Variants in CHKA observed in about 807,000 individuals in gnomAD.
CHKA encodes choline kinase alpha.
CHKA carries 34 observed loss-of-function variants against 60.1 expected under a neutral mutation model. That is an observed-to-expected ratio of 0.57 (90% CI 0.43 to 0.75). The LOEUF is 0.75. CHKA is among the 30% of genes least tolerant of loss of function. CHKA has a pLI of 0.00. For synonymous variants in CHKA, 217 were observed against 223.1 expected, an observed-to-expected ratio of 0.97 and a Z score of 0.24; for missense variants, 563 against 561.3, an observed-to-expected ratio of 1.00 and a Z score of -0.03.
chr11:68,094,868 CAG>C (rs1052600995), intron 2 of CHKA, among the ~76,000 whole-genome samples: 6 of 152,178 alleles, frequency 3.9e-5, no homozygotes, highest in African/African-American at 1.2e-4. Flanking sequence ...CACAGCTTGA[CAG>C]AGTCAAGGAA....
At chr11:68,112,423 A>G (rs936192164) in intron 1 of CHKA, among the ~76,000 whole-genome samples, 1 of 151,996 alleles carries the variant, frequency 6.6e-6, no homozygotes, top group Non-Finnish European at 1.5e-5. Context: ...ACACCAGACT[A>G]ATTTTTTTGT....
intron 11 of CHKA, among the ~76,000 whole-genome samples, chr11:68,056,407 C>T (rs867129730): frequency 6.6e-5 from 10 of 152,192 alleles, no homozygotes; most frequent in Non-Finnish European, 1.5e-4. Flanking sequence ...CTGCACCATA[C>T]CCTGGGATAA....
intron 3 of CHKA, among the ~76,000 whole-genome samples, chr11:68,075,487 G>A (rs766919829): frequency 1.3e-5 from 2 of 152,048 alleles, no homozygotes; most frequent in Admixed American, 6.6e-5. Context: ...ATTAACGTGG[G>A]ATCTATCATC....
At chr11:68,094,804 C>A (rs970652864) in intron 2 of CHKA, among the ~76,000 whole-genome samples, 1 of 152,188 alleles carries the variant, frequency 6.6e-6, no homozygotes, top group East Asian at 1.9e-4. Context: ...GGAATAGCTA[C>A]GTACCTTCAA....
At chr11:68,072,839 T>A (rs1422189228) in intron 4 of CHKA, among the ~76,000 whole-genome samples, 1 of 151,674 alleles carries the variant, frequency 6.6e-6, no homozygotes, top group Admixed American at 6.6e-5. Context: ...CAAAAAAAAA[T>A]TTTTAATAAG....
chr11:68,092,516 C>A (rs1264494898), intron 2 of CHKA, among the ~76,000 whole-genome samples: 1 of 152,202 alleles, frequency 6.6e-6, no homozygotes, highest in Admixed American at 6.5e-5. Flanking sequence ...CAGTGTGTGG[C>A]AGCTCAGCTT....
At chr11:68,100,135 T>C (rs1857654465) in intron 1 of CHKA, among the ~76,000 whole-genome samples, 1 of 152,124 alleles carries the variant, frequency 6.6e-6, no homozygotes, top group South Asian at 2.1e-4. Context: ...TAGGAAGAAA[T>C]GCCAGAAATG....
chr11:68,081,021 C>T (rs1002094345), intron 3 of CHKA, among the ~76,000 whole-genome samples: 1 of 152,232 alleles, frequency 6.6e-6, no homozygotes, highest in Admixed American at 6.5e-5. Context: ...TGGGCAGTGA[C>T]CCGCTTCCTG....
chr11:68,117,406 G>A (rs1033174691), intron 1 of CHKA, among the ~76,000 whole-genome samples: 8 of 152,150 alleles, frequency 5.3e-5, no homozygotes, highest in African/African-American at 9.7e-5. Flanking sequence ...AAGTTAGGCC[G>A]GGCAGGGTGC....
chr11:68,076,257 T>A (rs1037596668), intron 3 of CHKA, among the ~76,000 whole-genome samples: 1 of 152,214 alleles, frequency 6.6e-6, no homozygotes, highest in Non-Finnish European at 1.5e-5. Flanking sequence ...ATAACATCTA[T>A]CTATCAAGCT....
intron 1 of CHKA, among the ~76,000 whole-genome samples, chr11:68,119,753 C>G (rs1858537273): frequency 6.6e-6 from 1 of 151,932 alleles, no homozygotes; most frequent in Non-Finnish European, 1.5e-5. Flanking sequence ...CAGGCGTGAG[C>G]CACTGCGCCC....
chr11:68,059,104 A>C (rs1306679178), intron 11 of CHKA, among the ~76,000 whole-genome samples: 1 of 152,204 alleles, frequency 6.6e-6, no homozygotes, highest in Admixed American at 6.5e-5. Context: ...CGTGTTAGTC[A>C]GGCTGGTCTC....
chr11:68,101,248 A>G (rs1314920993), intron 1 of CHKA, among the ~76,000 whole-genome samples: 2 of 152,116 alleles, frequency 1.3e-5, no homozygotes, highest in Non-Finnish European at 2.9e-5. Context: ...ACGCTGGTCC[A>G]AAGAGGTTAT....
chr11:68,091,570 T>C lies in CHKA; in HGVS notation c.462+5449A>G, dbSNP rs74402992. Reference sequence around the variant, plus strand: ...AAGTTTGTTTCCGTCTCATCTTAGATAGAAATAGGGGCTAGAAGAGACAGA... The same window carrying C: ...AAGTTTGTTTCCGTCTCATCTTAGACAGAAATAGGGGCTAGAAGAGACAGA... On this transcript the variant is annotated intron_variant, in intron 2 of 11. Transcript: ENST00000265689. Among the ~76,000 whole-genome samples, 624 of 152,310 alleles carry C rather than the reference T, an allele frequency of 4.1e-3. 1 individual carries two copies. Among genetic ancestry groups the C allele is most frequent in the Middle Eastern group, 0.02 (6 of 294 alleles).
chr11:68,061,894 T>C (rs1590833597), intron 11 of CHKA, 59 bp downstream of exon 11: 31 of 1,166,974 alleles, frequency 2.7e-5, no homozygotes, highest in East Asian at 7.6e-5. Context: ...ACAAATACTA[T>C]AGCATTTTTA....
At chr11:68,120,575 A>G (rs1259820809) in intron 1 of CHKA, among the ~76,000 whole-genome samples, 1 of 152,208 alleles carries the variant, frequency 6.6e-6, no homozygotes. Flanking sequence ...CCGTTTTCTC[A>G]TGAAACCGAC....
chr11:68,096,994 C>A (rs1019148520), intron 2 of CHKA, 25 bp downstream of exon 2: 4 of 1,545,330 alleles, frequency 2.6e-6, no homozygotes, highest in South Asian at 1.1e-5. Context: ...GGATCCCCCC[C>A]TCCCAAAGTA....
chr11:68,097,595 C>T (rs1361278219), intron 1 of CHKA, among the ~76,000 whole-genome samples: 2 of 147,268 alleles, frequency 1.4e-5, no homozygotes, highest in Admixed American at 6.8e-5. Context: ...GAGATGGCAC[C>T]ACTGCACTCC....
chr11:68,081,512 A>G (rs1255327274), intron 2 of CHKA, 55 bp from the exon 3 acceptor site: 14 of 1,397,256 alleles, frequency 1.0e-5, no homozygotes, highest in African/African-American at 1.4e-5. Flanking sequence ...CTAAACAGAC[A>G]CTAACTTTGC....
Sources: allele counts gnomAD v4.1 joint callset (sites outside exome capture counted in the v4.1 genomes callset), GRCh38; gene constraint gnomAD v4.1.1; transcripts MANE v1.5; gene names NCBI Gene and HGNC (gene_info 2026-07-23, HGNC 2026-07-21).